Variants in TFCP2 observed in about 807,000 individuals in gnomAD.
TFCP2 encodes transcription factor CP2, also known as alpha-globin transcription factor CP2.
In TFCP2, 33 loss-of-function variants were observed where a neutral mutation model predicts 73.4. The observed-to-expected ratio is 0.45, with a 90% CI of 0.34 to 0.60. TFCP2 has a LOEUF of 0.60. Ranked by LOEUF, TFCP2 falls within the 20% of genes least tolerant of loss-of-function variation. The probability of loss-of-function intolerance (pLI) is 0.01; values close to 1 mark genes in which losing one functional copy is unlikely to be tolerated. For synonymous variants in TFCP2, 193 were observed against 211.6 expected, an observed-to-expected ratio of 0.91 and a Z score of 0.76; for missense variants, 352 against 604.0, an observed-to-expected ratio of 0.58 and a Z score of 4.37.
intron 1 of TFCP2, among the ~76,000 whole-genome samples, chr12:51,162,562 C>CT (rs1842869724): frequency 6.6e-6 from 1 of 152,278 alleles, no homozygotes; most frequent in Non-Finnish European, 1.5e-5. Context: ...ATATGCTTCT[C>CT]TTTTTTGTGG....
chr12:51,172,445 G>A lies in TFCP2; in HGVS notation c.-23C>T, dbSNP rs1284816954. 1 of 1,613,542 alleles carries A rather than the reference G, an allele frequency of 6.2e-7. No individual in the cohort carries two copies. The highest frequency in any genetic ancestry group is 8.5e-7 in the Non-Finnish European group (1 of 1,179,908). On this transcript the variant is annotated 5_prime_UTR_variant, in exon 1 of 15. Coordinates refer to ENST00000257915, the MANE Select transcript of TFCP2 (RefSeq NM_005653.5). ...CATCCTGGCTCCTTCCTTGCCCCAG[G>A]AGACACCGTGTCTTGTACAAAGGCG...
chr12:51,148,782 T>C (rs1222833763), intron 1 of TFCP2, among the ~76,000 whole-genome samples: 3 of 151,128 alleles, frequency 2.0e-5, no homozygotes, highest in African/African-American at 7.3e-5. Context: ...CCCAGCACTT[T>C]GGAAAGCCGA....
Position 51,114,530 on chromosome 12 carries a change from G to A in TFCP2, c.457+1785C>T, listed in dbSNP as rs377414077. Among the ~76,000 whole-genome samples, 4 of 152,128 alleles carry A rather than the reference G, an allele frequency of 2.6e-5. No individual in the cohort carries two copies. In the East Asian group the frequency reaches 5.8e-4, roughly 22 times the overall value. On this transcript the variant is annotated intron_variant, in intron 4 of 14. Coordinates refer to ENST00000257915, the MANE Select transcript of TFCP2 (RefSeq NM_005653.5). ...TGAGGCAGGAAAATCGCTTGAACCC[G>A]GGAGGTGGAAGTTGTAGTAAGCCAA...
In TFCP2 at chr12:51,106,579, T is replaced by G. The variant is rs1940250039; in HGVS notation, c.863A>C (p.Asn288Thr). The G allele has an allele frequency of 6.2e-7, 1 of 1,613,224 alleles. No homozygotes were observed. The highest frequency in any genetic ancestry group is 8.5e-7 in the Non-Finnish European group (1 of 1,179,746). ...ACTGTTGAAGCCAGGTGATGGGGAGTTATTGACATACGTGATCTCGGGCCA... is the reference window on the plus strand; with the variant it reads ...ACTGTTGAAGCCAGGTGATGGGGAGGTATTGACATACGTGATCTCGGGCCA... Reference protein sequence around the residue: ...SPWPEITYVNNSPSPGFNSSH... With the variant: ...SPWPEITYVNTSPSPGFNSSH... The change falls in exon 8 of 15, where the codon AAC becomes ACC. Residue 288 changes from asparagine to threonine, a missense_variant. Transcript: ENST00000257915.
At chr12:51,137,717 TCTGA>T (rs1941092160) in intron 1 of TFCP2, among the ~76,000 whole-genome samples, 1 of 152,200 alleles carries the variant, frequency 6.6e-6, no homozygotes, top group South Asian at 2.1e-4. Flanking sequence ...TTGAAGGGAA[TCTGA>T]CTATTTTGAT....
chr12:51,162,951 T>C (rs1284703645), intron 1 of TFCP2: 5 of 152,204 alleles, frequency 3.3e-5, no homozygotes, highest in Admixed American at 6.5e-5. Context: ...TCAGAGAAGA[T>C]TAGCATGGCC....
intron 1 of TFCP2, among the ~76,000 whole-genome samples, chr12:51,144,284 T>A (rs1038620844): frequency 6.6e-6 from 1 of 152,148 alleles, no homozygotes; most frequent in African/African-American, 2.4e-5. Context: ...TCCTTCCACC[T>A]TAGCCTTCCA....
chr12:51,124,770 A>G (rs189226890), intron 1 of TFCP2: 5 of 777,694 alleles, frequency 6.4e-6, no homozygotes, highest in East Asian at 2.8e-5. Context: ...CTGCTGCTCA[A>G]CCTTTTTCTG....
intron 1 of TFCP2, among the ~76,000 whole-genome samples, chr12:51,157,234 C>A (rs1302175573): frequency 2.0e-5 from 3 of 152,030 alleles, no homozygotes; most frequent in South Asian, 4.1e-4. Flanking sequence ...GTTGGCCAGG[C>A]TGGTCTCAAA....
At chr12:51,167,533 C>G (rs1346127255) in intron 1 of TFCP2, among the ~76,000 whole-genome samples, 1 of 152,104 alleles carries the variant, frequency 6.6e-6, no homozygotes, top group Admixed American at 6.6e-5. Flanking sequence ...GCTGAGATTA[C>G]AGGTGTGCAC....
intron 1 of TFCP2, among the ~76,000 whole-genome samples, chr12:51,128,005 T>C (rs1026589614): frequency 6.6e-6 from 1 of 151,878 alleles, no homozygotes; most frequent in African/African-American, 2.4e-5. Context: ...CCGCAACCTC[T>C]GCCTCCTGGG....
At chr12:51,110,291 G>A (rs1363150078) in intron 5 of TFCP2, among the ~76,000 whole-genome samples, 1 of 152,056 alleles carries the variant, frequency 6.6e-6, no homozygotes, top group Admixed American at 6.6e-5. Flanking sequence ...AATCAAGGCC[G>A]GGCATGGTGG....
chr12:51,104,836 C>A (rs1357405237), intron 8 of TFCP2, among the ~76,000 whole-genome samples: 6 of 151,510 alleles, frequency 4.0e-5, no homozygotes, highest in Non-Finnish European at 4.4e-5. Context: ...CTCAGCCTAC[C>A]GAGTAGCTGG....
At chr12:51,156,026 A>G (rs1941529187) in intron 1 of TFCP2, among the ~76,000 whole-genome samples, 1 of 151,346 alleles carries the variant, frequency 6.6e-6, no homozygotes, top group African/African-American at 2.4e-5. Context: ...TCAGTGATAG[A>G]GTGAGACTCT....
At chr12:51,125,888 C>T (rs1326943308) in intron 1 of TFCP2, among the ~76,000 whole-genome samples, 2 of 151,600 alleles carry the variant, frequency 1.3e-5, no homozygotes, top group African/African-American at 4.8e-5. Context: ...ATGAGGTCAG[C>T]AGATCAAGAC....
chr12:51,169,356 C>T (rs933660031), intron 1 of TFCP2, among the ~76,000 whole-genome samples: 1 of 151,636 alleles, frequency 6.6e-6, no homozygotes, highest in Non-Finnish European at 1.5e-5. Flanking sequence ...CAAAAATTAG[C>T]CGGGCATGAT....
chr12:51,096,924 G>A (rs1212308519), intron 13 of TFCP2, among the ~76,000 whole-genome samples: 1 of 151,546 alleles, frequency 6.6e-6, no homozygotes, highest in African/African-American at 2.4e-5. Context: ...CAATTTCATC[G>A]AACTCATTCA....
chr12:51,153,657 T>C (rs986684440), intron 1 of TFCP2, among the ~76,000 whole-genome samples: 4 of 152,216 alleles, frequency 2.6e-5, no homozygotes, highest in Admixed American at 6.5e-5. Context: ...CATATATTTA[T>C]CATTTCGTGT....
At chr12:51,170,325 T>A (rs1225942081) in intron 1 of TFCP2, among the ~76,000 whole-genome samples, 2 of 149,424 alleles carry the variant, frequency 1.3e-5, no homozygotes, top group Non-Finnish European at 3.0e-5. Context: ...CCAATTTTTC[T>A]TAATTTTTAA....
Sources: gnomAD v4.1 joint callset for allele counts (sites outside exome capture counted in the v4.1 genomes callset) on GRCh38, gnomAD v4.1.1 for gene constraint, MANE v1.5 for transcripts, NCBI Gene and HGNC (gene_info 2026-07-23, HGNC 2026-07-21) for gene names.